The following NR2F1-AS1 variants were observed in gnomAD, a reference collection of about 807,000 sequenced individuals.
NR2F1-AS1 encodes the protein NR2F1 regulatory antisense RNA 1, also known as NR2F1 antisense RNA 1.
chr5:93,520,827 C>A lies in NR2F1-AS1; in HGVS notation n.638+32934G>T, dbSNP rs555453764. 5.3e-5 allele frequency among the ~76,000 whole-genome samples: 8 copies of A among 152,236 alleles called. No individual in the cohort carries two copies. In the East Asian group the frequency reaches 1.2e-3, roughly 22 times the overall value. On this transcript the variant is annotated intron_variant and non_coding_transcript_variant, in intron 4 of 5. Coordinates refer to ENST00000660523, the Ensembl canonical transcript of NR2F1-AS1. Reference sequence around the variant, plus strand: ...CTTCTACATATTGCAAGCCTCCCCCCAAAGAAAGCTGTGATTTTTCTATTT... The same window carrying A: ...CTTCTACATATTGCAAGCCTCCCCCAAAAGAAAGCTGTGATTTTTCTATTT...
At chr5:93,585,394 C>T (rs1489168410), upstream of NR2F1-AS1, 1 of 1,614,092 alleles carries the variant, frequency 6.2e-7, no homozygotes, top group South Asian at 1.1e-5. Flanking sequence ...ACATGCCGTG[C>T]CAACAGGAAC....
In NR2F1-AS1 at chr5:93,572,386, C is replaced by G. The variant is rs1260309528; in HGVS notation, n.313+8081G>C. On this transcript the variant is annotated intron_variant and non_coding_transcript_variant, in intron 1 of 5. Transcript: ENST00000660523. ...CCCGGCTTGTGGGTATCCAGCCCCA[C>G]GTAGGGGAAGGGCTCATAGAGGGGC... Among the ~76,000 whole-genome samples, 3 of 152,196 alleles carry G rather than the reference C, an allele frequency of 2.0e-5. No individual in the cohort carries two copies. In the South Asian group the frequency reaches 6.2e-4, roughly 32 times the overall value.
At chr5:93,583,522 TAAAGAA>T (rs1463131483), upstream of NR2F1-AS1, 1 of 151,428 alleles carries the variant, frequency 6.6e-6, no homozygotes, top group Non-Finnish European at 1.5e-5. Flanking sequence ...GGGCTAAACT[TAAAGAA>T]AAAAAAAAGG....
At chr5:93,577,748 G>C (rs1752928316) in intron 1 of NR2F1-AS1, among the ~76,000 whole-genome samples, 1 of 152,110 alleles carries the variant, frequency 6.6e-6, no homozygotes, top group African/African-American at 2.4e-5. Flanking sequence ...TTTGGGAAAG[G>C]TCTGCAGCAA....
intron 4 of NR2F1-AS1, among the ~76,000 whole-genome samples, chr5:93,486,737 C>A (rs1384297789): frequency 6.6e-6 from 1 of 152,202 alleles, no homozygotes; most frequent in Non-Finnish European, 1.5e-5. Flanking sequence ...TCCTCCCTAA[C>A]TCATTTTATG....
chr5:93,474,024 T>C (rs1750428566), intron 4 of NR2F1-AS1, among the ~76,000 whole-genome samples: 1 of 152,080 alleles, frequency 6.6e-6, no homozygotes, highest in Non-Finnish European at 1.5e-5. Flanking sequence ...TAAAACTATA[T>C]TATTATTACT....
chr5:93,552,619 T>C (rs1752256530), intron 4 of NR2F1-AS1, among the ~76,000 whole-genome samples: 1 of 151,678 alleles, frequency 6.6e-6, no homozygotes, highest in Non-Finnish European at 1.5e-5. Context: ...ATTTTTGACC[T>C]TGGGATTTGT....
chr5:93,466,914 G>T lies in NR2F1-AS1; in HGVS notation n.639-71372C>A, dbSNP rs904746287. Among the ~76,000 whole-genome samples the T allele has an allele frequency of 1.1e-4, 14 of 129,462 alleles. 1 individual carries two copies. Among genetic ancestry groups the T allele is most frequent in the African/African-American group, 1.6e-4 (6 of 36,748 alleles). The allele number at this position is 129,462 out of a possible 152,430, so 84.9% of individuals were successfully genotyped here. Reference sequence around the variant, plus strand: ...AGAATATCCCTTTTTTGGGGGGGGGGGGGGTGGACGGAGTCTCACTGTGGT... The same window carrying T: ...AGAATATCCCTTTTTTGGGGGGGGGTGGGGTGGACGGAGTCTCACTGTGGT... On this transcript the variant is annotated intron_variant and non_coding_transcript_variant, in intron 4 of 5. Coordinates refer to ENST00000660523, the Ensembl canonical transcript of NR2F1-AS1.
intron 4 of NR2F1-AS1, among the ~76,000 whole-genome samples, chr5:93,424,314 AAT>A (rs1749152221): frequency 1.3e-5 from 2 of 150,880 alleles, no homozygotes; most frequent in Non-Finnish European, 3.0e-5. Flanking sequence ...TATATTTTCT[AAT>A]ATATATAATT....
intron 4 of NR2F1-AS1, among the ~76,000 whole-genome samples, chr5:93,462,618 A>C (rs2149864370): frequency 6.6e-6 from 1 of 152,320 alleles, no homozygotes; most frequent in South Asian, 2.1e-4. Flanking sequence ...AATGTGGAAA[A>C]GTTTGAAACT....
chr5:93,578,177 G>A (rs984101522), intron 1 of NR2F1-AS1, among the ~76,000 whole-genome samples: 3 of 152,194 alleles, frequency 2.0e-5, no homozygotes, highest in Non-Finnish European at 4.4e-5. Flanking sequence ...GGCCTGGAAC[G>A]CAAGTCAACC....
chr5:93,548,561 T>C (rs1752143825), intron 4 of NR2F1-AS1, among the ~76,000 whole-genome samples: 1 of 152,224 alleles, frequency 6.6e-6, no homozygotes, highest in Admixed American at 6.5e-5. Flanking sequence ...TTAAAGTTTT[T>C]TTCTATAATT....
At chr5:93,476,916 A>C (rs1376220247) in intron 4 of NR2F1-AS1, among the ~76,000 whole-genome samples, 1 of 152,142 alleles carries the variant, frequency 6.6e-6, no homozygotes, top group African/African-American at 2.4e-5. Flanking sequence ...TCTTTTTACT[A>C]TAGGCCTTAG....
intron 4 of NR2F1-AS1, among the ~76,000 whole-genome samples, chr5:93,460,324 C>T (rs886753486): frequency 2.0e-5 from 3 of 152,118 alleles, no homozygotes; most frequent in African/African-American, 4.8e-5. Context: ...TCCCAGACCC[C>T]ACGCAGCACC....
chr5:93,423,454 G>A (rs1749133259), intron 4 of NR2F1-AS1, among the ~76,000 whole-genome samples: 1 of 152,096 alleles, frequency 6.6e-6, no homozygotes, highest in Non-Finnish European at 1.5e-5. Context: ...AGGCCCACAC[G>A]TGGAATGGCC....
At chr5:93,562,606 A>G (rs1346296769) in intron 2 of NR2F1-AS1, among the ~76,000 whole-genome samples, 3 of 152,122 alleles carry the variant, frequency 2.0e-5, no homozygotes, top group Non-Finnish European at 2.9e-5. Flanking sequence ...AATTCCAAGC[A>G]TTTTTTCAAA....
chr5:93,423,124 A>C (rs1749121982), intron 4 of NR2F1-AS1: 1 of 152,434 alleles, frequency 6.6e-6, no homozygotes, highest in Admixed American at 6.5e-5. Flanking sequence ...CCACTCTCAC[A>C]GGAATCATGA....
chr5:93,494,807 G>A (rs1475277396), intron 4 of NR2F1-AS1, among the ~76,000 whole-genome samples: 2 of 152,112 alleles, frequency 1.3e-5, no homozygotes, highest in East Asian at 3.8e-4. Context: ...GTTTATAGCA[G>A]TATTATTCAT....
chr5:93,555,303 C>T (rs1752329470), intron 2 of NR2F1-AS1, among the ~76,000 whole-genome samples: 2 of 152,134 alleles, frequency 1.3e-5, no homozygotes, highest in African/African-American at 4.8e-5. Flanking sequence ...GAAAGTACTA[C>T]AGATACTAAA....
Sources: gnomAD v4.1 joint callset for allele counts (sites outside exome capture counted in the v4.1 genomes callset) on GRCh38, gnomAD v4.1.1 for gene constraint, MANE v1.5 for transcripts, NCBI Gene and HGNC (gene_info 2026-07-23, HGNC 2026-07-21) for gene names.